The following RAPGEF4 variants were observed in gnomAD, a reference collection of about 807,000 sequenced individuals.
The protein encoded by RAPGEF4 is RAP guanine-nucleotide-exchange factor (GEF) 4.
RAPGEF4 carries 66 observed loss-of-function variants against 147.9 expected under a neutral mutation model. The observed-to-expected ratio is 0.45, with a 90% CI of 0.37 to 0.55. RAPGEF4 has a LOEUF of 0.55. Among genes scored for constraint, RAPGEF4 ranks in the 20% least tolerant of loss-of-function variants. RAPGEF4 has a pLI of 0.00. For synonymous variants in RAPGEF4, 419 were observed against 442.7 expected (o/e 0.95, Z 0.67); for missense variants, 1,071 against 1,257.3 (o/e 0.85, Z 2.24).
intron 4 of RAPGEF4, among the ~76,000 whole-genome samples, chr2:172,867,953 A>G (rs1276813147): frequency 2.0e-5 from 3 of 152,260 alleles, no homozygotes; most frequent in Non-Finnish European, 4.4e-5. Context: ...TTGTAGAAGA[A>G]TATGGAATAT....
chr2:172,924,058 G>T (rs1685027997), intron 6 of RAPGEF4, among the ~76,000 whole-genome samples: 1 of 152,142 alleles, frequency 6.6e-6, no homozygotes, highest in Non-Finnish European at 1.5e-5. Context: ...CACCATTTTG[G>T]ACATGGATGT....
chr2:172,911,492 T>C (rs1700086054), intron 4 of RAPGEF4, among the ~76,000 whole-genome samples: 1 of 152,112 alleles, frequency 6.6e-6, no homozygotes, highest in South Asian at 2.1e-4. Context: ...AGAGTCTCAC[T>C]CCGTCACCTA....
In RAPGEF4 at chr2:173,008,067, T is replaced by C. The variant is rs1694662012; in HGVS notation, c.1659-6397T>C. ...GTGTGGGAGGTGATTAGATCGGGTG[T>C]GGCCCCCCCATGCTGTTCTCGTGAT... is the stretch of plus-strand genomic sequence containing the variant. On this transcript the variant is annotated intron_variant, in intron 17 of 30. Coordinates refer to ENST00000397081, the MANE Select transcript of RAPGEF4 (RefSeq NM_007023.4). Among the ~76,000 whole-genome samples, 6 of 76,010 alleles carry C rather than the reference T, an allele frequency of 7.9e-5. No homozygotes were observed. In the Admixed American group the frequency reaches 9.3e-4, roughly 12 times the overall value. 49.9% of individuals were successfully genotyped at this position (76,010 alleles called of 152,430 possible). A position where few individuals can be genotyped will look rare whatever the true frequency, so the allele number is the denominator to read the frequency against.
chr2:172,909,538 C>G (rs1055237430), intron 4 of RAPGEF4, among the ~76,000 whole-genome samples: 6 of 152,062 alleles, frequency 3.9e-5, no homozygotes, highest in Non-Finnish European at 8.8e-5. Flanking sequence ...TGCACCAGGG[C>G]CCCAGAGAGG....
At chr2:172,772,154 A>G (rs1683685529) in intron 1 of RAPGEF4, among the ~76,000 whole-genome samples, 1 of 151,996 alleles carries the variant, frequency 6.6e-6, no homozygotes, top group African/African-American at 2.4e-5. Context: ...TGGGAGGATC[A>G]CTTGAGTCCA....
intron 4 of RAPGEF4, among the ~76,000 whole-genome samples, chr2:172,824,087 G>A (rs1352649574): frequency 6.6e-6 from 1 of 152,204 alleles, no homozygotes; most frequent in East Asian, 1.9e-4. Context: ...TCTGTGAATG[G>A]AAAGAATAAA....
intron 14 of RAPGEF4, among the ~76,000 whole-genome samples, chr2:172,989,544 G>A (rs184744580): frequency 1.3e-5 from 2 of 152,256 alleles, no homozygotes; most frequent in African/African-American, 2.4e-5. Flanking sequence ...TGTGAGTGTG[G>A]GTGATGTTTA....
chr2:172,797,569 G>A lies in RAPGEF4; in HGVS notation c.253G>A (p.Ala85Thr). Residue 85 changes from alanine (A) to threonine (T), a missense_variant, in exon 3 of 31, where the codon GCA becomes ACA. Physicochemically the swap from Ala to Thr is moderately conservative, Grantham distance 58. Coordinates refer to ENST00000397081, the MANE Select transcript of RAPGEF4 (RefSeq NM_007023.4). ...DIGTNWYAVL[A>T]GSLDVKVSET... is the part of the protein sequence containing the mutation. ...TGGAACAAACTGGTATGCTGTCCTGGCAGGGTCTTTGGATGTTAAAGTATC... is the reference window on the plus strand; with the variant it reads ...TGGAACAAACTGGTATGCTGTCCTGACAGGGTCTTTGGATGTTAAAGTATC... 6.2e-7 allele frequency: 1 copy of A among 1,613,732 alleles called. No homozygotes were observed. Among genetic ancestry groups the A allele is most frequent in the Admixed American group, 1.7e-5 (1 of 59,984 alleles).
intron 27 of RAPGEF4, among the ~76,000 whole-genome samples, chr2:173,035,073 G>C (rs915334730): frequency 1.3e-5 from 2 of 151,712 alleles, no homozygotes; most frequent in Non-Finnish European, 2.9e-5. Context: ...TTATTATTTT[G>C]AGTCTGGGTC....
At chr2:172,837,653 TGGTCTTGA>T (rs1205879386) in intron 4 of RAPGEF4, among the ~76,000 whole-genome samples, 2 of 152,196 alleles carry the variant, frequency 1.3e-5, no homozygotes, top group Non-Finnish European at 2.9e-5. Flanking sequence ...TAGCTCACTG[TGGTCTTGA>T]ACTCCTGGGT....
chr2:172,981,085 C>T (rs1413350467), intron 10 of RAPGEF4, among the ~76,000 whole-genome samples: 1 of 152,192 alleles, frequency 6.6e-6, no homozygotes, highest in Non-Finnish European at 1.5e-5. Flanking sequence ...GATTTTAGAG[C>T]GGAATTCTAA....
At chr2:172,904,355 G>T (rs1354521885) in intron 4 of RAPGEF4, among the ~76,000 whole-genome samples, 1 of 152,226 alleles carries the variant, frequency 6.6e-6, no homozygotes, top group Non-Finnish European at 1.5e-5. Context: ...GACTGTAGTA[G>T]ATTCAGACTT....
chr2:172,921,457 G>T (rs1227851828), intron 5 of RAPGEF4, among the ~76,000 whole-genome samples: 3 of 152,140 alleles, frequency 2.0e-5, no homozygotes, highest in Non-Finnish European at 4.4e-5. Flanking sequence ...AAAATGTCCT[G>T]TTTACTCAGA....
intron 1 of RAPGEF4, among the ~76,000 whole-genome samples, chr2:172,764,721 T>G (rs569651553): frequency 1.6e-4 from 25 of 152,178 alleles, no homozygotes; most frequent in Admixed American, 3.3e-4. Context: ...CATACCCTTA[T>G]GACGTGTCTA....
intron 6 of RAPGEF4, among the ~76,000 whole-genome samples, chr2:172,942,964 TG>T (rs1687319964): frequency 6.6e-6 from 1 of 152,134 alleles, no homozygotes; most frequent in African/African-American, 2.4e-5. Context: ...TGGCGGCCAC[TG>T]CACTGGACAT....
chr2:173,045,740 C>G (rs60121307), intron 29 of RAPGEF4, among the ~76,000 whole-genome samples: 40,016 of 152,076 alleles, frequency 0.26, 5,628 homozygotes, highest in East Asian at 0.61. Flanking sequence ...AACAATGAAA[C>G]AGGCTATTTT....
At chr2:172,951,582 C>G (rs758407924) in intron 6 of RAPGEF4, among the ~76,000 whole-genome samples, 4 of 152,060 alleles carry the variant, frequency 2.6e-5, no homozygotes, top group African/African-American at 4.8e-5. Context: ...ATAGAATGGA[C>G]AGAGCAGGCC....
chr2:172,965,922 C>T (rs2105497269), intron 9 of RAPGEF4, among the ~76,000 whole-genome samples: 1 of 152,296 alleles, frequency 6.6e-6, no homozygotes, highest in Middle Eastern at 3.4e-3. Flanking sequence ...AAATTGCAGC[C>T]CGAGTGCATC....
chr2:173,014,853 G>A (rs1695362926), intron 18 of RAPGEF4, among the ~76,000 whole-genome samples: 1 of 152,070 alleles, frequency 6.6e-6, no homozygotes, highest in African/African-American at 2.4e-5. Context: ...CTTTTTCTTT[G>A]TATGTTTTAT....
Sources: gnomAD v4.1 joint callset for allele counts (sites outside exome capture counted in the v4.1 genomes callset) on GRCh38, gnomAD v4.1.1 for gene constraint, MANE v1.5 for transcripts, NCBI Gene and HGNC (gene_info 2026-07-23, HGNC 2026-07-21) for gene names.